Variants in FLNC observed in about 807,000 individuals in gnomAD.
FLNC encodes the protein filamin C, also known as filamin-C.
Under a neutral mutation model 254.3 loss-of-function variants are expected in FLNC, and 91 were observed. That is an observed-to-expected ratio of 0.36 (90% CI 0.30 to 0.43). The LOEUF is 0.43. Among genes scored for constraint, FLNC ranks in the 20% least tolerant of loss-of-function variants. FLNC has a pLI of 1.00. For synonymous variants in FLNC, 1,430 were observed against 1,577.2 expected (o/e 0.91, Z 2.21); for missense variants, 2,853 against 3,802.6 (o/e 0.75, Z 6.57).
chr7:128,848,130 G>A (rs1808642818), intron 26 of FLNC, 62 bp downstream of exon 26: 1 of 1,549,438 alleles, frequency 6.5e-7, no homozygotes, highest in African/African-American at 1.4e-5. Flanking sequence ...TGCTGGGGTG[G>A]CACTCAGGAT....
intron 27 of FLNC, 27 bp downstream of exon 27, chr7:128,848,744 A>G: frequency 6.2e-7 from 1 of 1,614,018 alleles, no homozygotes. Flanking sequence ...CCCACCCCGC[A>G]GGTCATGCTC....
At position 128,830,544 on chromosome 7, in the gene FLNC, G is replaced by C. The variant is rs779039141; in HGVS notation, c.-94G>C. The C allele has an allele frequency of 2.9e-6, 3 of 1,030,902 alleles. No homozygotes were observed. Among genetic ancestry groups the C allele is most frequent in the Non-Finnish European group, 4.4e-6 (3 of 678,546 alleles). The allele number at this position is 1,030,902 out of a possible 1,614,324, so 63.9% of individuals were successfully genotyped here. On this transcript the variant is annotated 5_prime_UTR_variant, in exon 1 of 48. Coordinates refer to ENST00000325888, the MANE Select transcript of FLNC (RefSeq NM_001458.5). The stretch of plus-strand genomic sequence containing the variant: ...TTGGAGAGGAGAGCAGCGCAGCGCA[G>C]CGAGTCCCGTGGTCGCGCCCCAACA...
chr7:128,848,512 G>T, intron 26 of FLNC, 49 bp from the exon 27 acceptor site: 1 of 1,554,352 alleles, frequency 6.4e-7, no homozygotes, highest in Non-Finnish European at 8.8e-7. Context: ...ACCCCCCACC[G>T]CCCCGTCCAT....
rs200182180 is a variant in FLNC at position 128,853,740 on chromosome 7, C to T, written c.6387C>T (p.Thr2129=). ...GAAGCCCCTTCACTGTGAAGGTGAC[C>T]GGCGAGGGCCGCATGAAGGAGAGCA... ...VPGSPFTVKV[T]GEGRMKESIT... The change falls in exon 39 of 48, where the codon ACC becomes ACT. Residue 2129 remains threonine (T), a synonymous_variant. Coordinates refer to ENST00000325888, the MANE Select transcript of FLNC (RefSeq NM_001458.5). 1.9e-4 allele frequency: 299 copies of T among 1,613,876 alleles called. 1 individual carries two copies. Among genetic ancestry groups the T allele is most frequent in the South Asian group, 1.1e-3 (99 of 91,086 alleles).
Position 128,846,323 on chromosome 7 carries a change from G to A in FLNC, c.3987G>A (p.Leu1329=), listed in dbSNP as rs374299121. ...CAGGCGTGCATCTGGTGGAGGTCCT[G>A]TATGATGAGGTCGCTGTGCCCAAGA... ...YEEGVHLVEV[L]YDEVAVPKSP... Residue 1329 remains leucine, a synonymous_variant, in exon 23 of 48, where the codon CTG becomes CTA. Transcript: ENST00000325888. 3.9e-5 allele frequency: 63 copies of A among 1,613,730 alleles called. No individual in the cohort carries two copies. Among genetic ancestry groups the A allele is most frequent in the Non-Finnish European group, 4.9e-5 (58 of 1,179,986 alleles).
intron 35 of FLNC, among the ~76,000 whole-genome samples, chr7:128,852,106 C>T (rs1808843617): frequency 6.6e-6 from 1 of 152,130 alleles, no homozygotes; most frequent in East Asian, 1.9e-4. Flanking sequence ...CCTTGTGATC[C>T]ACCTGCCTCG....
chr7:128,842,749 G>C lies in FLNC; in HGVS notation c.2390-45G>C, dbSNP rs985384047. 2 of 1,603,306 alleles carry C rather than the reference G, an allele frequency of 1.2e-6. No homozygotes were observed. The highest frequency in any genetic ancestry group is 2.7e-5 in the African/African-American group (2 of 74,790). On this transcript the variant is annotated intron_variant, in intron 15 of 47. Transcript: ENST00000325888. This position sits in a 1 kb window ranked among gnomAD's most constrained non-coding sequence, Gnocchi z 5.4. The stretch of plus-strand genomic sequence containing the variant: ...CTGGGAGGGGGCGGGGGTGAGTCGA[G>C]TCGGGGGCTGAGCCCAACTCACAGC...
chr7:128,856,908 G>A lies in FLNC; in HGVS notation c.7548G>A (p.Glu2516=). 1 of 1,614,090 alleles carries A rather than the reference G, an allele frequency of 6.2e-7. No individual in the cohort carries two copies. Among genetic ancestry groups the A allele is most frequent in the Non-Finnish European group, 8.5e-7 (1 of 1,179,986 alleles). ...GLVSAYGPGL[E]GGTTGVSSEF... ...TGTCAGCCTACGGTCCTGGGCTCGA[G>A]GGAGGCACTACCGGTGAGTGCCTGG... The change falls in exon 45 of 48, where the codon GAG becomes GAA. Residue 2516 remains glutamate, a synonymous_variant. Coordinates refer to ENST00000325888, the MANE Select transcript of FLNC (RefSeq NM_001458.5). This position sits in a 1 kb window ranked among gnomAD's most constrained non-coding sequence, Gnocchi z 5.9.
At chr7:128,839,887 C>A in intron 8 of FLNC, 136 bp from the exon 9 acceptor site, 1 of 1,125,746 alleles carries the variant, frequency 8.9e-7, no homozygotes, top group African/African-American at 1.5e-5. Context: ...GTGCTGGGGA[C>A]ACAAAGGGCT....
rs1809063997 is a variant in FLNC at position 128,856,487 on chromosome 7, G to A, written c.7252-31G>A. 1 of 1,608,634 alleles carries A rather than the reference G, an allele frequency of 6.2e-7. No homozygotes were observed. The highest frequency in any genetic ancestry group is 1.7e-5 in the Admixed American group (1 of 60,016). ...AGACTGCTCCAGCCCCGGCCTCCCA[G>A]GAGTCTGAGCATCCTCCGTGGCCTT... On this transcript the variant is annotated intron_variant, in intron 43 of 47. Coordinates refer to ENST00000325888, the MANE Select transcript of FLNC (RefSeq NM_001458.5). The surrounding 1 kb of genome is among the most constrained non-coding windows in gnomAD (Gnocchi z 5.9).
At chr7:128,839,937 G>A in intron 8 of FLNC, 86 bp from the exon 9 acceptor site, 1 of 1,541,252 alleles carries the variant, frequency 6.5e-7, no homozygotes, top group Admixed American at 1.7e-5. Context: ...GCCTGGGAGG[G>A]GTTAGAAGGA....
In FLNC at chr7:128,856,728, C is replaced by T. The variant is rs746976361; in HGVS notation, c.7385-17C>T. 3.7e-6 allele frequency: 6 copies of T among 1,614,126 alleles called. No individual in the cohort carries two copies. Among genetic ancestry groups the T allele is most frequent in the Non-Finnish European group, 4.2e-6 (5 of 1,180,032 alleles). On this transcript the variant is annotated splice_polypyrimidine_tract_variant and intron_variant, in intron 44 of 47. Coordinates refer to ENST00000325888, the MANE Select transcript of FLNC (RefSeq NM_001458.5). This position sits in a 1 kb window ranked among gnomAD's most constrained non-coding sequence, Gnocchi z 5.9. ...AGGGGAAGGATGGAGGCTAAGCCAC[C>T]AACCCTTTATCCACAGACAAGCACA...
At chr7:128,838,096 G>T in intron 6 of FLNC, 32 bp downstream of exon 6, 3 of 1,584,192 alleles carry the variant, frequency 1.9e-6, no homozygotes, top group Non-Finnish European at 2.6e-6. Flanking sequence ...TGCCTGCGCT[G>T]CTCTTCACAT....
At position 128,845,952 on chromosome 7, in the gene FLNC, C is replaced by T. The variant is rs1212079884; in HGVS notation, c.3791-38C>T. The stretch of plus-strand genomic sequence containing the variant: ...AGAGGGAGCATCTGTGTGAAGGCTG[C>T]CCCCACCCCTGCTGAACACGCCACC... On this transcript the variant is annotated intron_variant, in intron 21 of 47. Transcript: ENST00000325888. 2.5e-6 allele frequency: 4 copies of T among 1,603,672 alleles called. No homozygotes were observed. The East Asian group carries it at 6.7e-5, about 27-fold the overall frequency.
At chr7:128,855,172 C>A (rs1459282060) in intron 42 of FLNC, 27 bp from the exon 43 acceptor site, 4 of 1,510,776 alleles carry the variant, frequency 2.6e-6, no homozygotes, top group Admixed American at 1.7e-5. Flanking sequence ...CATCCCGGAA[C>A]CTGTGCTGAC....
At position 128,848,990 on chromosome 7, in the gene FLNC, C is replaced by A; in HGVS notation, c.4927+8C>A. 6.2e-7 allele frequency: 1 copy of A among 1,609,626 alleles called. No homozygotes were observed. Reference sequence around the variant, plus strand: ...GCAAGTGCCTCGTCACAGGTGGGTGCCCACCCGCTGCCCGTGCCCTGCTCA... The same window carrying A: ...GCAAGTGCCTCGTCACAGGTGGGTGACCACCCGCTGCCCGTGCCCTGCTCA... On this transcript the variant is annotated splice_region_variant and intron_variant, in intron 28 of 47. Transcript: ENST00000325888.
chr7:128,852,464 G>C, intron 35 of FLNC, 127 bp from the exon 36 acceptor site: 1 of 1,088,242 alleles, frequency 9.2e-7, no homozygotes, highest in Non-Finnish European at 1.4e-6. Flanking sequence ...TTGGGCCTCC[G>C]TGCACCTGGG....
rs1389724552 is a variant in FLNC, at chr7:128,837,062, G to C, written c.602-98G>C. The C allele has an allele frequency of 4.6e-6, 4 of 871,108 alleles. No individual in the cohort carries two copies. In the East Asian group the frequency reaches 1.1e-4, roughly 23 times the overall value. The allele number at this position is 871,108 out of a possible 1,614,324, so 54.0% of individuals were successfully genotyped here. A position where few individuals can be genotyped will look rare whatever the true frequency, so the allele number is the denominator to read the frequency against. ...AGGCCTAGAGCTGGTGGGAAGGGGT[G>C]TAAAGCCACAGCCTCTGAGGGTGTT... On this transcript the variant is annotated intron_variant, in intron 2 of 47. Transcript: ENST00000325888.
intron 37 of FLNC, 43 bp from the exon 38 acceptor site, chr7:128,853,426 C>T (rs1317855797): frequency 1.2e-6 from 2 of 1,607,558 alleles, no homozygotes; most frequent in Middle Eastern, 1.9e-4. Context: ...TGTGGCTTGG[C>T]CAGCCTAGGA....
Sources: allele counts gnomAD v4.1 joint callset (sites outside exome capture counted in the v4.1 genomes callset), GRCh38; gene constraint gnomAD v4.1.1; non-coding constraint Gnocchi (gnomAD v3.1); transcripts MANE v1.5; gene names NCBI Gene and HGNC (gene_info 2026-07-23, HGNC 2026-07-21).